COL19A1: variants seen among roughly 807,000 people sequenced by gnomAD.
COL19A1 encodes collagen type XIX alpha 1 chain, also known as collagen alpha-1(XIX) chain.
In COL19A1, 159 loss-of-function variants were observed where a neutral mutation model predicts 190.2. The ratio of observed to expected loss-of-function variants is 0.84; its 90% CI spans 0.73 to 0.95. The LOEUF (loss-of-function observed/expected upper bound fraction) is 0.95, where lower values mean the gene tolerates loss of function less well. Ranked by LOEUF, COL19A1 falls within the 40% of genes least tolerant of loss-of-function variation. The pLI is 0.00. For missense variants in COL19A1, 1,418 were observed against 1,431.9 expected (o/e 0.99, Z 0.16); for synonymous variants, 509 against 458.9 (o/e 1.11, Z -1.39).
intron 16 of COL19A1, among the ~76,000 whole-genome samples, chr6:70,104,228 G>A (rs1404456667): frequency 6.6e-6 from 1 of 152,130 alleles, no homozygotes; most frequent in African/African-American, 2.4e-5. Context: ...ATACTGCTAT[G>A]AAGAACTACC....
intron 47 of COL19A1, among the ~76,000 whole-genome samples, chr6:70,189,551 C>G (rs1024473594): frequency 2.0e-5 from 3 of 152,058 alleles, no homozygotes; most frequent in Non-Finnish European, 4.4e-5. Flanking sequence ...TAGTAAAATA[C>G]TTTGAAATTC....
chr6:70,002,151 A>G (rs751766424), intron 11 of COL19A1, among the ~76,000 whole-genome samples: 5 of 152,128 alleles, frequency 3.3e-5, no homozygotes, highest in Non-Finnish European at 7.4e-5. Flanking sequence ...GGTTCTGTTT[A>G]TGTGATGGAT....
chr6:69,937,068 A>G (rs763066674), intron 8 of COL19A1, among the ~76,000 whole-genome samples, 158 bp downstream of exon 8: 1 of 152,164 alleles, frequency 6.6e-6, no homozygotes, highest in Non-Finnish European at 1.5e-5. Flanking sequence ...GGCATTGAAG[A>G]TAGGACTTCC....
At position 70,170,875 on chromosome 6, in the gene COL19A1, T is replaced by G. The variant is rs556992433; in HGVS notation, c.2569-1089T>G. 4.6e-5 allele frequency among the ~76,000 whole-genome samples: 7 copies of G among 152,344 alleles called. No individual in the cohort carries two copies. The South Asian group carries it at 6.2e-4, about 14-fold the overall frequency. The stretch of plus-strand genomic sequence containing the variant: ...ATATTTTTGAAGCAGATTGGAATTA[T>G]GTATGCAAAAACACACTTACAGAGA... On this transcript the variant is annotated intron_variant, in intron 40 of 50. Transcript: ENST00000620364.
intron 11 of COL19A1, among the ~76,000 whole-genome samples, chr6:70,001,865 G>A (rs1357419086): frequency 1.3e-5 from 2 of 151,942 alleles, no homozygotes; most frequent in African/African-American, 4.8e-5. Flanking sequence ...ATTTCTTTCT[G>A]TTGCCTGATT....
intron 13 of COL19A1, among the ~76,000 whole-genome samples, chr6:70,034,850 T>C (rs958189535): frequency 6.6e-6 from 1 of 152,202 alleles, no homozygotes; most frequent in African/African-American, 2.4e-5. Flanking sequence ...TATATGTGTT[T>C]TGCAATGCAT....
chr6:70,170,062 T>C (rs1379389593), intron 40 of COL19A1, among the ~76,000 whole-genome samples: 1 of 152,146 alleles, frequency 6.6e-6, no homozygotes, highest in African/African-American at 2.4e-5. Flanking sequence ...CAACAAAGGA[T>C]GAAGAATAAA....
In COL19A1 at chr6:70,144,197, C is replaced by CT. The variant is rs1562215585; in HGVS notation, c.1627-12dup. The CT allele has an allele frequency of 1.2e-6, 2 of 1,609,838 alleles. No individual in the cohort carries two copies. The highest frequency in any genetic ancestry group is 1.7e-4 in the Middle Eastern group (1 of 5,928). On this transcript the variant is annotated splice_polypyrimidine_tract_variant and intron_variant, in intron 23 of 50. Transcript: ENST00000620364. The stretch of plus-strand genomic sequence containing the variant: ...TTCTCATTACTCTTTCCTATTAACT[C>CT]TGAGTTTTCTAGGGATTGCCAGGAG...
chr6:70,056,729 TAGAA>T (rs1202775392), intron 14 of COL19A1, among the ~76,000 whole-genome samples: 1 of 152,086 alleles, frequency 6.6e-6, no homozygotes, highest in Non-Finnish European at 1.5e-5. Flanking sequence ...GGAAGGCCAG[TAGAA>T]AGAAGTTAAA....
intron 11 of COL19A1, among the ~76,000 whole-genome samples, chr6:70,008,863 T>C (rs1777804898): frequency 2.0e-5 from 3 of 151,820 alleles, no homozygotes; most frequent in Admixed American, 2.0e-4. Flanking sequence ...GAAAGAGTGG[T>C]TTAACATTTG....
At chr6:70,156,268 G>T (rs1460202554) in intron 32 of COL19A1, 37 bp downstream of exon 32, 1 of 1,613,016 alleles carries the variant, frequency 6.2e-7, no homozygotes, top group Admixed American at 1.7e-5. Flanking sequence ...ATCCCTGTGG[G>T]TTACATGTAG....
At chr6:69,992,368 C>T (rs930694371) in intron 11 of COL19A1, among the ~76,000 whole-genome samples, 1 of 151,892 alleles carries the variant, frequency 6.6e-6, no homozygotes, top group African/African-American at 2.4e-5. Context: ...GCTACCAAGG[C>T]TCTTTTTTGG....
chr6:69,956,534 T>C (rs571017633), intron 9 of COL19A1, among the ~76,000 whole-genome samples: 2 of 152,126 alleles, frequency 1.3e-5, no homozygotes, highest in East Asian at 3.9e-4. Flanking sequence ...CCTGAAACGT[T>C]TAATGGACTG....
intron 9 of COL19A1, among the ~76,000 whole-genome samples, chr6:69,945,282 A>G (rs16868377): frequency 0.037 from 5,699 of 152,152 alleles, 328 homozygotes; most frequent in African/African-American, 0.13. Context: ...TTAAAATGGA[A>G]TAAGTTAGCT....
intron 12 of COL19A1, among the ~76,000 whole-genome samples, chr6:70,032,249 G>T (rs1328535991): frequency 3.3e-5 from 5 of 152,136 alleles, no homozygotes; most frequent in South Asian, 2.1e-4. Flanking sequence ...AGATTTTAAG[G>T]GTGAGAGATT....
intron 4 of COL19A1, among the ~76,000 whole-genome samples, chr6:69,922,406 A>G (rs1381930627): frequency 1.3e-5 from 2 of 150,894 alleles, no homozygotes; most frequent in Non-Finnish European, 3.0e-5. Context: ...AGCAGAAACT[A>G]CTCATGAGAT....
In COL19A1 at chr6:69,932,488, C is replaced by A. The variant is rs147799135; in HGVS notation, c.667-295C>A. 3.5e-3 allele frequency among the ~76,000 whole-genome samples: 524 copies of A among 151,804 alleles called. 9 individuals are homozygous for A. The highest frequency in any genetic ancestry group is 0.012 in the African/African-American group (495 of 41,452). ...TCTTTACTGTAGTGTAAAACAATAG[C>A]TTTTTTAAAATTAAGTACTTCTATT... On this transcript the variant is annotated intron_variant, in intron 6 of 50. Transcript: ENST00000620364.
Position 70,168,766 on chromosome 6 carries a change from C to T in COL19A1, c.2568+85C>T, listed in dbSNP as rs993790329. 7.7e-5 allele frequency: 108 copies of T among 1,408,788 alleles called. 2 individuals carry two copies. In the Admixed American group the frequency reaches 2.0e-3, roughly 26 times the overall value. The allele number at this position is 1,408,788 out of a possible 1,614,324, so 87.3% of individuals were successfully genotyped here. On this transcript the variant is annotated intron_variant, in intron 40 of 50. Coordinates refer to ENST00000620364, the MANE Select transcript of COL19A1 (RefSeq NM_001858.6). Reference sequence around the variant, plus strand: ...GAAAAGCATCGGGCAAAATGGCCTGCCTTCTTAGGTGTTCATCAATTAACA... The same window carrying T: ...GAAAAGCATCGGGCAAAATGGCCTGTCTTCTTAGGTGTTCATCAATTAACA...
intron 15 of COL19A1, among the ~76,000 whole-genome samples, chr6:70,093,733 C>T (rs951134104): frequency 2.0e-5 from 3 of 152,080 alleles, no homozygotes; most frequent in Non-Finnish European, 4.4e-5. Context: ...AACGTTAATC[C>T]TGTTTTAATG....
Sources: allele counts gnomAD v4.1 joint callset (sites outside exome capture counted in the v4.1 genomes callset), GRCh38; gene constraint gnomAD v4.1.1; transcripts MANE v1.5; gene names NCBI Gene and HGNC (gene_info 2026-07-23, HGNC 2026-07-21).